Variants in AGAP1 observed in about 807,000 individuals in gnomAD.
The protein encoded by AGAP1 is ArfGAP with GTPase domain, ankyrin repeat and PH domain 1, also known as arf-GAP with GTPase, ANK repeat and PH domain-containing protein 1.
AGAP1 carries 29 observed loss-of-function variants against 105.3 expected under a neutral mutation model. The observed-to-expected ratio is 0.28, with a 90% CI of 0.21 to 0.38. The LOEUF is 0.38. Among genes scored for constraint, AGAP1 ranks in the 10% least tolerant of loss-of-function variants. The pLI, the probability that AGAP1 is intolerant of heterozygous loss-of-function variation, is 1.00. For missense variants in AGAP1, 998 were observed against 1,165.1 expected, an observed-to-expected ratio of 0.86 and a Z score of 2.09; for synonymous variants, 509 against 485.9, an observed-to-expected ratio of 1.05 and a Z score of -0.63.
rs902079996 is a variant in AGAP1, at chr2:236,062,985, G to C, written c.2114+13704G>C. Among the ~76,000 whole-genome samples, 6 of 152,030 alleles carry C rather than the reference G, an allele frequency of 3.9e-5. No homozygotes were observed. The highest frequency in any genetic ancestry group is 1.5e-4 in the African/African-American group (6 of 41,376). ...ATCAGCTATTTTTTTAAGAGATGGG[G>C]GTCTCACTATGTTGCCCAGGCAGGG... is the stretch of plus-strand genomic sequence containing the variant. On this transcript the variant is annotated intron_variant, in intron 16 of 17. Coordinates refer to ENST00000304032, the MANE Select transcript of AGAP1 (RefSeq NM_001037131.3). The surrounding 1 kb of genome is among the most constrained non-coding windows in gnomAD (Gnocchi z 4.2).
Position 236,095,169 on chromosome 2 carries a change from G to A in AGAP1, c.2115-25023G>A, listed in dbSNP as rs1480757438. On this transcript the variant is annotated intron_variant, in intron 16 of 17. Coordinates refer to ENST00000304032, the MANE Select transcript of AGAP1 (RefSeq NM_001037131.3). This position sits in a 1 kb window ranked among gnomAD's most constrained non-coding sequence, Gnocchi z 4.1. Reference sequence around the variant, plus strand: ...TCCAACACTTCGGGAGGCCAAGGCGGGTGGATTGCTTGAGCTCAGGAGTTC... The same window carrying A: ...TCCAACACTTCGGGAGGCCAAGGCGAGTGGATTGCTTGAGCTCAGGAGTTC... Among the ~76,000 whole-genome samples the A allele has an allele frequency of 6.6e-6, 1 of 152,094 alleles. No homozygotes were observed. Among genetic ancestry groups the A allele is most frequent in the Non-Finnish European group, 1.5e-5 (1 of 68,018 alleles).
At chr2:235,987,108 G>GTTAT (rs59663970) in intron 13 of AGAP1, among the ~76,000 whole-genome samples, 63,974 of 147,498 alleles carry the variant, frequency 0.43, 13,953 homozygotes, top group Middle Eastern at 0.56. Context: ...GCTTTTTATT[G>GTTAT]TTATTTATTT....
chr2:236,012,290 G>A lies in AGAP1; in HGVS notation c.1646-24271G>A, dbSNP rs1439119060. On this transcript the variant is annotated intron_variant, in intron 13 of 17. Transcript: ENST00000304032. This position sits in a 1 kb window ranked among gnomAD's most constrained non-coding sequence, Gnocchi z 4.9. Reference sequence around the variant, plus strand: ...TGCACTCGGGCACCCCTCCCCTCCCGAGGGGTGCCCAGCCTCCATTCTGCC... The same window carrying A: ...TGCACTCGGGCACCCCTCCCCTCCCAAGGGGTGCCCAGCCTCCATTCTGCC... Among the ~76,000 whole-genome samples the A allele has an allele frequency of 3.3e-5, 5 of 151,880 alleles. No individual in the cohort carries two copies. The highest frequency in any genetic ancestry group is 6.6e-5 in the Admixed American group (1 of 15,266).
In AGAP1 at chr2:236,124,144, T is replaced by G. The variant is rs770671872; in HGVS notation, c.*22T>G. On this transcript the variant is annotated 3_prime_UTR_variant, in exon 18 of 18. Transcript: ENST00000304032. The surrounding 1 kb of genome is among the most constrained non-coding windows in gnomAD (Gnocchi z 5.1). ...CTGAGGAACAGCCGTGCCCGCCTGC[T>G]CGCCGCACCTGGGACGCGGCAGCCT... The G allele has an allele frequency of 6.2e-7, 1 of 1,609,962 alleles. No individual in the cohort carries two copies. Among genetic ancestry groups the G allele is most frequent in the East Asian group, 2.2e-5 (1 of 44,732 alleles).
chr2:235,583,531 C>G (rs1289491537), intron 1 of AGAP1, among the ~76,000 whole-genome samples: 4 of 151,166 alleles, frequency 2.6e-5, no homozygotes, highest in African/African-American at 7.3e-5. Context: ...GGACCACAAG[C>G]ATGCACCACC....
At chr2:235,808,836 G>C (rs1469894547) in intron 9 of AGAP1, among the ~76,000 whole-genome samples, 5 of 152,184 alleles carry the variant, frequency 3.3e-5, no homozygotes, top group African/African-American at 1.2e-4. Context: ...CCACTTTGAT[G>C]ATGGGTGGTG....
chr2:235,743,844 G>T (rs1218106159), intron 4 of AGAP1, among the ~76,000 whole-genome samples: 1 of 152,212 alleles, frequency 6.6e-6, no homozygotes, highest in Non-Finnish European at 1.5e-5. Flanking sequence ...AGATAGAGCT[G>T]ATGTCAGATG....
intron 9 of AGAP1, among the ~76,000 whole-genome samples, chr2:235,809,207 A>C (rs1957998683): frequency 6.6e-6 from 1 of 152,026 alleles, no homozygotes. Flanking sequence ...GTACCTGCTC[A>C]TCTGTGGAGG....
intron 9 of AGAP1, among the ~76,000 whole-genome samples, chr2:235,849,377 C>T (rs1961886075): frequency 6.6e-6 from 1 of 152,224 alleles, no homozygotes; most frequent in Admixed American, 6.5e-5. Context: ...TTGTGAATGT[C>T]TCTCCAAGTA....
chr2:235,602,741 AC>A (rs1222978622), intron 1 of AGAP1, among the ~76,000 whole-genome samples: 2 of 152,060 alleles, frequency 1.3e-5, no homozygotes, highest in Non-Finnish European at 2.9e-5. Context: ...TCGCTGTGTC[AC>A]CCAGGCTGGA....
In AGAP1 at chr2:236,003,847, C is replaced by A. The variant is rs2056223941; in HGVS notation, c.1646-32714C>A. On this transcript the variant is annotated intron_variant, in intron 13 of 17. Coordinates refer to ENST00000304032, the MANE Select transcript of AGAP1 (RefSeq NM_001037131.3). This position sits in a 1 kb window ranked among gnomAD's most constrained non-coding sequence, Gnocchi z 4.2. The stretch of plus-strand genomic sequence containing the variant: ...TATCTATAAATATGTAACTTTTTTT[C>A]CAAAGAACTTAAAATGAAAGAATAT... 6.6e-6 allele frequency among the ~76,000 whole-genome samples: 1 copy of A among 150,948 alleles called. No homozygotes were observed. The highest frequency in any genetic ancestry group is 2.4e-5 in the African/African-American group (1 of 41,000).
At chr2:235,780,692 C>G (rs1033921741) in intron 6 of AGAP1, among the ~76,000 whole-genome samples, 1 of 152,134 alleles carries the variant, frequency 6.6e-6, no homozygotes, top group Non-Finnish European at 1.5e-5. Flanking sequence ...TCTGAGGGAT[C>G]ACAGCTGTGG....
intron 1 of AGAP1, among the ~76,000 whole-genome samples, chr2:235,641,548 G>A (rs907737947): frequency 1.1e-4 from 16 of 152,072 alleles, no homozygotes; most frequent in African/African-American, 3.4e-4. Flanking sequence ...TGCGTGGCCC[G>A]TCTGTGCCTG....
chr2:236,023,777 T>C (rs2056960450), intron 13 of AGAP1, among the ~76,000 whole-genome samples: 1 of 152,132 alleles, frequency 6.6e-6, no homozygotes, highest in Admixed American at 6.6e-5. Context: ...CACAGGTTGC[T>C]CATTAAATGT....
At chr2:236,007,621 T>C (rs1430761707) in intron 13 of AGAP1, among the ~76,000 whole-genome samples, 2 of 152,244 alleles carry the variant, frequency 1.3e-5, no homozygotes, top group Non-Finnish European at 2.9e-5. Context: ...TTTTGGAATT[T>C]TTGAAAAAGA....
At position 235,739,304 on chromosome 2, in the gene AGAP1, A is replaced by T. The variant is rs1190734245; in HGVS notation, c.311-1659A>T. On this transcript the variant is annotated intron_variant, in intron 3 of 17. Coordinates refer to ENST00000304032, the MANE Select transcript of AGAP1 (RefSeq NM_001037131.3). The surrounding 1 kb of genome is among the most constrained non-coding windows in gnomAD (Gnocchi z 5.3). ...CGTCCACCTGTGTCAGATGTTTCCC[A>T]GCTTGTTTCATGATGACAACAGCTC... Among the ~76,000 whole-genome samples the T allele has an allele frequency of 6.6e-6, 1 of 152,234 alleles. No individual in the cohort carries two copies. Among genetic ancestry groups the T allele is most frequent in the Non-Finnish European group, 1.5e-5 (1 of 68,054 alleles).
rs1949621876 is a variant in AGAP1 at position 235,689,246 on chromosome 2, G to A, written c.164-19933G>A. 6.6e-6 allele frequency among the ~76,000 whole-genome samples: 1 copy of A among 152,168 alleles called. No homozygotes were observed. The highest frequency in any genetic ancestry group is 1.5e-5 in the Non-Finnish European group (1 of 68,042). On this transcript the variant is annotated intron_variant, in intron 1 of 17. Coordinates refer to ENST00000304032, the MANE Select transcript of AGAP1 (RefSeq NM_001037131.3). This position sits in a 1 kb window ranked among gnomAD's most constrained non-coding sequence, Gnocchi z 4.2. ...ACTCTTCATTCGCTAGCACCGAGAT[G>A]GTTCAGGGCACTTTGGAGCTAGAGC... is the stretch of plus-strand genomic sequence containing the variant.
rs78228428 is a variant in AGAP1 at position 236,042,288 on chromosome 2, C to T, written c.1891+1447C>T. Among the ~76,000 whole-genome samples the T allele has an allele frequency of 0.011, 1,604 of 152,250 alleles. 12 individuals are homozygous for T. Among genetic ancestry groups the T allele is most frequent in the Non-Finnish European group, 0.015 (1,032 of 68,020 alleles). ...AGGAAGCGCCCCCTCCAAGAGTCCA[C>T]TCAGCAGCATAGCAGGCAGGGGAGA... On this transcript the variant is annotated intron_variant, in intron 15 of 17. Transcript: ENST00000304032. The surrounding 1 kb of genome is among the most constrained non-coding windows in gnomAD (Gnocchi z 5.6).
In AGAP1 at chr2:236,044,637, C is replaced by T. The variant is rs1436873746; in HGVS notation, c.1891+3796C>T. On this transcript the variant is annotated intron_variant, in intron 15 of 17. Transcript: ENST00000304032. The surrounding 1 kb of genome is among the most constrained non-coding windows in gnomAD (Gnocchi z 5.7). ...ACCACTACCACCAGATAGCTCACCA[C>T]AACCTACAGTAGGAGCACATCCAGG... is the stretch of plus-strand genomic sequence containing the variant. 6.6e-6 allele frequency among the ~76,000 whole-genome samples: 1 copy of T among 152,174 alleles called. No individual in the cohort carries two copies. The highest frequency in any genetic ancestry group is 1.5e-5 in the Non-Finnish European group (1 of 68,018).
Sources: allele counts gnomAD v4.1 joint callset (sites outside exome capture counted in the v4.1 genomes callset), GRCh38; gene constraint gnomAD v4.1.1; non-coding constraint Gnocchi (gnomAD v3.1); transcripts MANE v1.5; gene names NCBI Gene and HGNC (gene_info 2026-07-23, HGNC 2026-07-21).